Variants in GPR37L1 observed in about 807,000 individuals in gnomAD.
The protein encoded by GPR37L1 is G protein-coupled receptor 37-like 1.
A neutral mutation model predicts 18.0 loss-of-function variants in GPR37L1; 18 were observed. The observed-to-expected ratio is 1.00, with a 90% CI of 0.69 to 1.49. The LOEUF is 1.49. Ranked by LOEUF, GPR37L1 falls within the 40% of genes most tolerant of loss-of-function variation. The probability of loss-of-function intolerance (pLI) is 0.00; values close to 1 mark genes in which losing one functional copy is unlikely to be tolerated. For missense variants in GPR37L1, 558 were observed against 615.1 expected (o/e 0.91, Z 0.98); for synonymous variants, 256 against 273.9 (o/e 0.93, Z 0.65).
Position 202,129,444 on chromosome 1 carries a change from C to T in GPR37L1, c.*888C>T, listed in dbSNP as rs1377173972. ...GATCCCTGGGTTGCCCTGTCCCAAC[C>T]TCCTTGTTAGGTGCTTTCCCATAGG... is the stretch of plus-strand genomic sequence containing the variant. On this transcript the variant is annotated 3_prime_UTR_variant, in exon 2 of 2. Coordinates refer to ENST00000367282, the MANE Select transcript of GPR37L1 (RefSeq NM_004767.5). The T allele has an allele frequency of 6.6e-6, 1 of 152,342 alleles. No individual in the cohort carries two copies. Among genetic ancestry groups the T allele is most frequent in the Non-Finnish European group, 1.5e-5 (1 of 68,114 alleles). 9.4% of individuals were successfully genotyped at this position (152,342 alleles called of 1,614,324 possible).
In GPR37L1 at chr1:202,128,161, G is replaced by A. The variant is rs553415739; in HGVS notation, c.1051G>A (p.Glu351Lys). The A allele has an allele frequency of 6.2e-6, 10 of 1,614,000 alleles. No homozygotes were observed. Among genetic ancestry groups the A allele is most frequent in the Admixed American group, 3.3e-5 (2 of 60,018 alleles). ...GTCAGAGTGCAGGGCCAGCAAGCAC[G>A]AGCAGTGTGAGAGCCAGCTCAACAG... is the stretch of plus-strand genomic sequence containing the variant. ...RKSECRASKH[E>K]QCESQLNSTV... is the part of the protein sequence containing the mutation. The change falls in exon 2 of 2, where the codon GAG (glutamate) becomes AAG (lysine). Residue 351 changes from glutamate to lysine, a missense_variant. By Grantham distance (56) the Glu-to-Lys change is moderately conservative (BLOSUM62 1). Coordinates refer to ENST00000367282, the MANE Select transcript of GPR37L1 (RefSeq NM_004767.5).
At position 202,128,496 on chromosome 1, in the gene GPR37L1, C is replaced by T; in HGVS notation, c.1386C>T (p.Ser462=). The change falls in exon 2 of 2, where the codon TCC becomes TCT. Residue 462 remains serine (S), a synonymous_variant. Coordinates refer to ENST00000367282, the MANE Select transcript of GPR37L1 (RefSeq NM_004767.5). ...AGCTCAAGACCGAGGTGTCCTCTTC[C>T]ATCTACTTCCACAAGCCCAGGGAGT... ...DNKLKTEVSS[S]IYFHKPRESP... The T allele has an allele frequency of 6.3e-7, 1 of 1,595,452 alleles. No homozygotes were observed. The highest frequency in any genetic ancestry group is 1.1e-5 in the South Asian group (1 of 89,584).
rs1280992187 is a variant in GPR37L1, at chr1:202,132,335, G to A, written c.*3779G>A. ...GGAGGACATGTCCCATTTTGCTTAG[G>A]AGTTGGGAGGTACCCTAGAATCACT... is the stretch of plus-strand genomic sequence containing the variant. On this transcript the variant is annotated 3_prime_UTR_variant, in exon 2 of 2. Transcript: ENST00000367282. 1 of 152,234 alleles carries A rather than the reference G, an allele frequency of 6.6e-6. No homozygotes were observed. Among genetic ancestry groups the A allele is most frequent in the Non-Finnish European group, 1.5e-5 (1 of 68,050 alleles). The allele number at this position is 152,234 out of a possible 1,614,324, so 9.4% of individuals were successfully genotyped here. A position where few individuals can be genotyped will look rare whatever the true frequency, so the allele number is the denominator to read the frequency against.
rs945874015 is a variant in GPR37L1, at chr1:202,128,332, A to G, written c.1222A>G (p.Lys408Glu). ...CATCAACCAGTTCTCCACCTTCTTC[A>G]AGGGCGCCATCACCCCAGTGCTGCT... ...GLINQFSTFF[K>E]GAITPVLLLC... Residue 408 changes from lysine to glutamate, a missense_variant, in exon 2 of 2, where the codon AAG becomes GAG. Coordinates refer to ENST00000367282, the MANE Select transcript of GPR37L1 (RefSeq NM_004767.5). 6.2e-7 allele frequency: 1 copy of G among 1,613,888 alleles called. No homozygotes were observed. The highest frequency in any genetic ancestry group is 1.3e-5 in the African/African-American group (1 of 74,886).
chr1:202,126,833 A>ACGTGCGTG (rs1390628724), intron 1 of GPR37L1, among the ~76,000 whole-genome samples: 1 of 81,134 alleles, frequency 1.2e-5, no homozygotes, highest in African/African-American at 3.4e-5. Flanking sequence ...AGGAGCAGAA[A>ACGTGCGTG]CGTGCGTGTG....
In GPR37L1 at chr1:202,123,204, C is replaced by G. The variant is rs3795594; in HGVS notation, c.241C>G (p.Pro81Ala). ...CCCTGCTGGCCTGCAGCCAACCAAG[C>G]CCTTGGTGGCCACCAGCCCTAACCC... ...IHPAGLQPTK[P>A]LVATSPNPGK... Residue 81 changes from proline to alanine, a missense_variant, in exon 1 of 2, where the codon CCC (proline) becomes GCC (alanine). Pro to Ala is a conservative substitution (Grantham distance 27, BLOSUM62 -1). Coordinates refer to ENST00000367282, the MANE Select transcript of GPR37L1 (RefSeq NM_004767.5). The G allele has an allele frequency of 0.096, 154,355 of 1,613,348 alleles. 13,504 individuals carry two copies. Among genetic ancestry groups the G allele is most frequent in the East Asian group, 0.41 (18,220 of 44,828 alleles).
intron 1 of GPR37L1, among the ~76,000 whole-genome samples, chr1:202,124,096 A>T (rs1654586166): frequency 6.6e-6 from 1 of 152,116 alleles, no homozygotes. Flanking sequence ...ACCCCTCTGG[A>T]TCAAGTCAGC....
chr1:202,124,277 C>A (rs751366869), intron 1 of GPR37L1, among the ~76,000 whole-genome samples: 1 of 152,234 alleles, frequency 6.6e-6, no homozygotes, highest in African/African-American at 2.4e-5. Flanking sequence ...CTAGTCTTAG[C>A]TCTGCCACTG....
Position 202,128,505 on chromosome 1 carries a change from C to T in GPR37L1, c.1395C>T (p.Phe465=). ...LKTEVSSSIY[F]HKPRESPPLL... Reference sequence around the variant, plus strand: ...CCGAGGTGTCCTCTTCCATCTACTTCCACAAGCCCAGGGAGTCACCCCCAC... The same window carrying T: ...CCGAGGTGTCCTCTTCCATCTACTTTCACAAGCCCAGGGAGTCACCCCCAC... The change falls in exon 2 of 2, where the codon TTC becomes TTT. Residue 465 remains phenylalanine, a synonymous_variant. Transcript: ENST00000367282. 6.2e-7 allele frequency: 1 copy of T among 1,602,724 alleles called. No individual in the cohort carries two copies. Among genetic ancestry groups the T allele is most frequent in the Non-Finnish European group, 8.5e-7 (1 of 1,173,510 alleles).
In GPR37L1 at chr1:202,128,177, A is replaced by T. The variant is rs777479575; in HGVS notation, c.1067A>T (p.Gln356Leu). Residue 356 changes from glutamine (Q) to leucine (L), a missense_variant, in exon 2 of 2, where the codon CAG becomes CTG. Physicochemically the swap from Gln to Leu is moderately radical, Grantham distance 113 (BLOSUM62 -2). Coordinates refer to ENST00000367282, the MANE Select transcript of GPR37L1 (RefSeq NM_004767.5). The stretch of plus-strand genomic sequence containing the variant: ...AGCAAGCACGAGCAGTGTGAGAGCC[A>T]GCTCAACAGCACCGTGGTGGGCCTG... Reference protein sequence around the residue: ...RASKHEQCESQLNSTVVGLTV... With the variant: ...RASKHEQCESLLNSTVVGLTV... The T allele has an allele frequency of 1.2e-6, 2 of 1,614,018 alleles. No homozygotes were observed. Among genetic ancestry groups the T allele is most frequent in the South Asian group, 2.2e-5 (2 of 91,082 alleles).
Position 202,127,763 on chromosome 1 carries a change from C to T in GPR37L1, c.653C>T (p.Thr218Ile). Residue 218 changes from threonine to isoleucine, a missense_variant, in exon 2 of 2, where the codon ACT becomes ATT. Coordinates refer to ENST00000367282, the MANE Select transcript of GPR37L1 (RefSeq NM_004767.5). ...FMEVSSLGVTTFSLCALGIDR... is the reference protein window; with the variant it reads ...FMEVSSLGVTIFSLCALGIDR... Reference sequence around the variant, plus strand: ...CAGGTCTCCTCTCTGGGAGTCACGACTTTCAGCCTCTGTGCCCTGGGCATT... The same window carrying T: ...CAGGTCTCCTCTCTGGGAGTCACGATTTTCAGCCTCTGTGCCCTGGGCATT... 2 of 1,584,074 alleles carry T rather than the reference C, an allele frequency of 1.3e-6. No individual in the cohort carries two copies. The highest frequency in any genetic ancestry group is 2.3e-5 in the South Asian group (2 of 86,046).
rs748062878 is a variant in GPR37L1, at chr1:202,128,559, C to A, written c.*3C>A. ...TGCCCCTGGGCACACCTTGCTGAGG[C>A]CCCAGTAGGGGTGGGGAGGGAGGGA... is the stretch of plus-strand genomic sequence containing the variant. On this transcript the variant is annotated 3_prime_UTR_variant, in exon 2 of 2. Coordinates refer to ENST00000367282, the MANE Select transcript of GPR37L1 (RefSeq NM_004767.5). The A allele has an allele frequency of 3.3e-6, 5 of 1,526,706 alleles. No individual in the cohort carries two copies. Among genetic ancestry groups the A allele is most frequent in the Non-Finnish European group, 4.4e-6 (5 of 1,126,818 alleles). The allele number at this position is 1,526,706 out of a possible 1,614,324, so 94.6% of individuals were successfully genotyped here.
In GPR37L1 at chr1:202,128,049, C is replaced by T; in HGVS notation, c.939C>T (p.Tyr313=). The part of the protein sequence containing the change: ...MTYQNARMWW[Y]FGCYFCLPIL... The stretch of plus-strand genomic sequence containing the variant: ...ACCAGAACGCCCGCATGTGGTGGTA[C>T]TTTGGCTGCTACTTCTGCCTGCCCA... The change falls in exon 2 of 2, where the codon TAC becomes TAT. Residue 313 remains tyrosine, a synonymous_variant. Coordinates refer to ENST00000367282, the MANE Select transcript of GPR37L1 (RefSeq NM_004767.5). 6.2e-7 allele frequency: 1 copy of T among 1,614,174 alleles called. No homozygotes were observed. Among genetic ancestry groups the T allele is most frequent in the Non-Finnish European group, 8.5e-7 (1 of 1,180,028 alleles).
Position 202,128,645 on chromosome 1 carries a change from G to A in GPR37L1, c.*89G>A, listed in dbSNP as rs938851443. On this transcript the variant is annotated 3_prime_UTR_variant, in exon 2 of 2. Transcript: ENST00000367282. ...CCCCATAGGTCTTGCTTTGTTGCCT[G>A]TCTTGCTGTCTAGGGATGGACTTGG... 1 of 792,168 alleles carries A rather than the reference G, an allele frequency of 1.3e-6. No homozygotes were observed. Among genetic ancestry groups the A allele is most frequent in the Non-Finnish European group, 2.0e-6 (1 of 496,880 alleles). The allele number at this position is 792,168 out of a possible 1,614,324, so 49.1% of individuals were successfully genotyped here.
chr1:202,128,727 T>C lies in GPR37L1; in HGVS notation c.*171T>C. On this transcript the variant is annotated 3_prime_UTR_variant, in exon 2 of 2. Coordinates refer to ENST00000367282, the MANE Select transcript of GPR37L1 (RefSeq NM_004767.5). ...CCCCCTCCCCACACAGGGCCTTTCC[T>C]GTCCCTTGTGGGGCCTTCCAACCCT... 1.7e-6 allele frequency: 1 copy of C among 590,034 alleles called. No individual in the cohort carries two copies. The highest frequency in any genetic ancestry group is 2.2e-5 in the South Asian group (1 of 46,144). 36.5% of individuals were successfully genotyped at this position (590,034 alleles called of 1,614,324 possible).
At position 202,129,050 on chromosome 1, in the gene GPR37L1, C is replaced by T. The variant is rs1654761711; in HGVS notation, c.*494C>T. The stretch of plus-strand genomic sequence containing the variant: ...TTGAGATGGAGTCTTGCTCTGTTGC[C>T]CAGGCTGGAGTACATTTGCCTGATG... On this transcript the variant is annotated 3_prime_UTR_variant, in exon 2 of 2. Transcript: ENST00000367282. 1 of 151,300 alleles carries T rather than the reference C, an allele frequency of 6.6e-6. No homozygotes were observed. Among genetic ancestry groups the T allele is most frequent in the Non-Finnish European group, 1.5e-5 (1 of 68,772 alleles). The allele number at this position is 151,300 out of a possible 1,614,324, so 9.4% of individuals were successfully genotyped here. A position where few individuals can be genotyped will look rare whatever the true frequency, so the allele number is the denominator to read the frequency against.
At position 202,127,840 on chromosome 1, in the gene GPR37L1, C is replaced by G. The variant is rs146526098; in HGVS notation, c.730C>G (p.Arg244Gly). ...CCTGCCCAAGGTGAGGCCCATCGAG[C>G]GGTGCCAATCCATCCTGGCCAAGTT... ...STLPKVRPIE[R>G]CQSILAKLAV... Residue 244 changes from arginine to glycine, a missense_variant, in exon 2 of 2, where the codon CGG becomes GGG. Coordinates refer to ENST00000367282, the MANE Select transcript of GPR37L1 (RefSeq NM_004767.5). The G allele has an allele frequency of 3.1e-6, 5 of 1,613,880 alleles. No individual in the cohort carries two copies. The highest frequency in any genetic ancestry group is 3.3e-5 in the Admixed American group (2 of 60,018).
In GPR37L1 at chr1:202,133,099, T is replaced by C. The variant is rs1654903436; in HGVS notation, c.*4543T>C. On this transcript the variant is annotated 3_prime_UTR_variant, in exon 2 of 2. Coordinates refer to ENST00000367282, the MANE Select transcript of GPR37L1 (RefSeq NM_004767.5). ...CACAACAGCACCCAGCCCTGTCCCCTTGCTGCCTCTACCCAGCCCTGGGCA... is the reference window on the plus strand; with the variant it reads ...CACAACAGCACCCAGCCCTGTCCCCCTGCTGCCTCTACCCAGCCCTGGGCA... 6.6e-6 allele frequency: 1 copy of C among 152,376 alleles called. No individual in the cohort carries two copies. The highest frequency in any genetic ancestry group is 1.5e-5 in the Non-Finnish European group (1 of 68,186). The allele number at this position is 152,376 out of a possible 1,614,324, so 9.4% of individuals were successfully genotyped here.
rs537586325 is a variant in GPR37L1 at position 202,133,216 on chromosome 1, T to C, written c.*4660T>C. 3 of 152,136 alleles carry C rather than the reference T, an allele frequency of 2.0e-5. No homozygotes were observed. In the East Asian group the frequency reaches 5.8e-4, roughly 29 times the overall value. 9.4% of individuals were successfully genotyped at this position (152,136 alleles called of 1,614,324 possible). A position where few individuals can be genotyped will look rare whatever the true frequency, so the allele number is the denominator to read the frequency against. On this transcript the variant is annotated 3_prime_UTR_variant, in exon 2 of 2. Transcript: ENST00000367282. ...GTCTGAAAAGAGAATGAGAAGGAGG[T>C]GGCGCAAGAGCCTGGACGCACGTGT...
Sources: gnomAD v4.1 joint callset for allele counts (sites outside exome capture counted in the v4.1 genomes callset) on GRCh38, gnomAD v4.1.1 for gene constraint, MANE v1.5 for transcripts, NCBI Gene and HGNC (gene_info 2026-07-23, HGNC 2026-07-21) for gene names.